Variants in MYH14 observed in about 807,000 individuals in gnomAD.
The protein encoded by MYH14 is myosin heavy chain 14.
MYH14 carries 123 observed loss-of-function variants against 255.5 expected under a neutral mutation model. That is an observed-to-expected ratio of 0.48 (90% CI 0.42 to 0.56). MYH14 has a LOEUF of 0.56. MYH14 is among the 20% of genes least tolerant of loss of function. The pLI is 0.00. For synonymous variants in MYH14, 1,095 were observed against 1,161.2 expected, an observed-to-expected ratio of 0.94 and a Z score of 1.16; for missense variants, 2,423 against 2,802.3, an observed-to-expected ratio of 0.86 and a Z score of 3.06.
intron 36 of MYH14, among the ~76,000 whole-genome samples, chr19:50,292,046 G>C (rs536147883): frequency 6.6e-6 from 1 of 152,256 alleles, no homozygotes; most frequent in African/African-American, 2.4e-5. Flanking sequence ...TTCTCAGCCA[G>C]GTCAACCTCC....
chr19:50,293,369 G>T lies in MYH14; in HGVS notation c.5345+48G>T, dbSNP rs1568547992. The T allele has an allele frequency of 6.5e-7, 1 of 1,547,282 alleles. No individual in the cohort carries two copies. The highest frequency in any genetic ancestry group is 1.9e-5 in the Admixed American group (1 of 52,478). The stretch of plus-strand genomic sequence containing the variant: ...GGCTGAGGTACTGCGTCTGCAGGAG[G>T]TGAAGCTGGGGTAGGCTGGAGGTGG... On this transcript the variant is annotated intron_variant, in intron 38 of 42. Transcript: ENST00000642316. This position sits in a 1 kb window ranked among gnomAD's most constrained non-coding sequence, Gnocchi z 4.1.
rs765120704 is a variant in MYH14, at chr19:50,219,832, T to C, written c.562+2061T>C. On this transcript the variant is annotated intron_variant, in intron 3 of 42. Coordinates refer to ENST00000642316, the MANE Select transcript of MYH14 (RefSeq NM_001145809.2). ...CTTATTATATATTTGCTATATATCA[T>C]CTATTTTCATAGATATTTAGTATTT... Among the ~76,000 whole-genome samples, 109 of 152,226 alleles carry C rather than the reference T, an allele frequency of 7.2e-4. 1 individual carries two copies. Among genetic ancestry groups the C allele is most frequent in the Middle Eastern group, 3.2e-3 (1 of 316 alleles).
chr19:50,299,364 G>A (rs1368880331), intron 39 of MYH14, among the ~76,000 whole-genome samples: 1 of 152,032 alleles, frequency 6.6e-6, no homozygotes, highest in Non-Finnish European at 1.5e-5. Flanking sequence ...GAGGTCAGGA[G>A]TTTGAGACCA....
Position 50,215,314 on chromosome 19 carries a change from G to A in MYH14, c.406-2301G>A, listed in dbSNP as rs565897985. On this transcript the variant is annotated intron_variant, in intron 2 of 42. Transcript: ENST00000642316. ...GATACCCTCCCAGGGAATGTGGTCC[G>A]GCCGCCCCACCCTCTGAGAGCTGGG... Among the ~76,000 whole-genome samples the A allele has an allele frequency of 8.5e-5, 13 of 152,318 alleles. No individual in the cohort carries two copies. In the South Asian group the frequency reaches 1.2e-3, roughly 15 times the overall value.
In MYH14 at chr19:50,259,046, A is replaced by G. The variant is rs186396732; in HGVS notation, c.2233-98A>G. The G allele has an allele frequency of 4.8e-6, 7 of 1,455,300 alleles. No homozygotes were observed. The Admixed American group carries it at 1.6e-4, about 34-fold the overall frequency. The allele number at this position is 1,455,300 out of a possible 1,614,324, so 90.1% of individuals were successfully genotyped here. ...GTTCCTAGGCACCTAGTAGGTGCTC[A>G]GTAAATTACATGTGGAAACAGGAAA... is the stretch of plus-strand genomic sequence containing the variant. On this transcript the variant is annotated intron_variant, in intron 18 of 42. Transcript: ENST00000642316.
intron 23 of MYH14, among the ~76,000 whole-genome samples, chr19:50,267,925 G>T (rs777247409): frequency 4.6e-5 from 7 of 151,998 alleles, no homozygotes; most frequent in African/African-American, 1.2e-4. Flanking sequence ...CAGACTGATG[G>T]CTGTGAGAGG....
intron 2 of MYH14, among the ~76,000 whole-genome samples, chr19:50,214,736 G>C (rs562281148): frequency 1.3e-5 from 2 of 152,090 alleles, no homozygotes; most frequent in South Asian, 2.1e-4. Context: ...AGCCAGGATC[G>C]TGCCACTACA....
chr19:50,306,872 G>C (rs554927508), intron 40 of MYH14, among the ~76,000 whole-genome samples, 177 bp from the exon 41 acceptor site: 1 of 152,334 alleles, frequency 6.6e-6, no homozygotes, highest in South Asian at 2.1e-4. Flanking sequence ...GGATGCCGAG[G>C]AGAAGGCAGC....
chr19:50,242,510 G>A (rs747243190), intron 10 of MYH14, among the ~76,000 whole-genome samples: 26 of 152,186 alleles, frequency 1.7e-4, no homozygotes, highest in African/African-American at 3.6e-4. Context: ...TCACTACCAC[G>A]AGAACAGTAT....
intron 22 of MYH14, among the ~76,000 whole-genome samples, chr19:50,264,203 A>G (rs1451664064): frequency 5.3e-5 from 8 of 152,032 alleles, no homozygotes; most frequent in Non-Finnish European, 1.0e-4. Flanking sequence ...ATGAAGTATG[A>G]TAATATGCAC....
intron 2 of MYH14, among the ~76,000 whole-genome samples, chr19:50,212,221 C>T (rs574908282): frequency 2.0e-5 from 3 of 152,248 alleles, no homozygotes; most frequent in South Asian, 2.1e-4. Flanking sequence ...AACTTTCAGT[C>T]GAGCTCTCTG....
chr19:50,250,628 C>G lies in MYH14; in HGVS notation c.1770C>G (p.Phe590Leu). 1 of 1,614,018 alleles carries G rather than the reference C, an allele frequency of 6.2e-7. No individual in the cohort carries two copies. The highest frequency in any genetic ancestry group is 8.5e-7 in the Non-Finnish European group (1 of 1,179,896). Residue 590 changes from phenylalanine (F) to leucine (L), a missense_variant, in exon 15 of 43, where the codon TTC (phenylalanine) becomes TTG (leucine). This residue lies in a region of MYH14 where 672 missense variants were observed against 881.8 expected (regional missense o/e 0.76). Transcript: ENST00000642316. The surrounding 1 kb of genome is among the most constrained non-coding windows in gnomAD (Gnocchi z 5.4). ...AGGAGCAGGGCGGCCACCCCAAGTT[C>G]CAGCGGCCGAGGCACCTGCGGGATC... ...VAQEQGGHPK[F>L]QRPRHLRDQA...
At chr19:50,251,908 G>A (rs2034417229) in intron 15 of MYH14, among the ~76,000 whole-genome samples, 1 of 152,152 alleles carries the variant, frequency 6.6e-6, no homozygotes. Context: ...GCAAAAAGAG[G>A]TGGCAGGCTG....
chr19:50,215,139 C>A (rs1452806927), intron 2 of MYH14, among the ~76,000 whole-genome samples: 1 of 152,200 alleles, frequency 6.6e-6, no homozygotes, highest in Admixed American at 6.5e-5. Context: ...TTCTTCCCCC[C>A]AGCCTTGTTG....
chr19:50,278,537 GA>G (rs5828429), intron 30 of MYH14, among the ~76,000 whole-genome samples: 31 of 148,676 alleles, frequency 2.1e-4, no homozygotes, highest in East Asian at 7.9e-4. Flanking sequence ...CCCATCTTCA[GA>G]AAAAAAAAAA....
chr19:50,273,995 T>G (rs558377003), intron 27 of MYH14, among the ~76,000 whole-genome samples: 2 of 152,240 alleles, frequency 1.3e-5, no homozygotes, highest in South Asian at 4.2e-4. Flanking sequence ...TCATGTGACC[T>G]CATGCAAATC....
chr19:50,270,916 G>C (rs914696724), intron 24 of MYH14, among the ~76,000 whole-genome samples: 1 of 152,094 alleles, frequency 6.6e-6, no homozygotes, highest in African/African-American at 2.4e-5. Context: ...GGATGGTCTC[G>C]ATCTGCTGAC....
At chr19:50,272,443 C>T (rs976066473) in intron 26 of MYH14, 117 bp from the exon 27 acceptor site, 8 of 1,054,512 alleles carry the variant, frequency 7.6e-6, no homozygotes, top group South Asian at 4.1e-5. Context: ...GAGGAGAAGG[C>T]GTTAAGGGAG....
chr19:50,259,021 G>A, intron 18 of MYH14, 123 bp from the exon 19 acceptor site: 2 of 1,344,158 alleles, frequency 1.5e-6, no homozygotes, highest in South Asian at 1.5e-5. Flanking sequence ...GCCTAGAACC[G>A]TTCCTAGGCA....
Sources: gnomAD v4.1 joint callset for allele counts (sites outside exome capture counted in the v4.1 genomes callset) on GRCh38, gnomAD v4.1.1 for gene constraint, gnomAD v4.1.1 regional missense constraint, Gnocchi (gnomAD v3.1) non-coding constraint, MANE v1.5 for transcripts, NCBI Gene and HGNC (gene_info 2026-07-23, HGNC 2026-07-21) for gene names.